The following ATL1 variants were observed in gnomAD, a reference collection of about 807,000 sequenced individuals.
ATL1 encodes atlastin GTPase 1, also known as atlastin-1.
In ATL1, 31 loss-of-function variants were observed where a neutral mutation model predicts 75.5. The observed-to-expected ratio is 0.41, with a 90% confidence interval of 0.31 to 0.55. The LOEUF is 0.55. Ranked by LOEUF, ATL1 falls within the 20% of genes least tolerant of loss-of-function variation. The pLI, the probability that ATL1 is intolerant of heterozygous loss-of-function variation, is 0.27. For synonymous variants in ATL1, 226 were observed against 233.3 expected (o/e 0.97, Z 0.28); for missense variants, 405 against 662.6 (o/e 0.61, Z 4.27).
chr14:50,544,692 G>C (rs145622495), intron 1 of ATL1, among the ~76,000 whole-genome samples: 1 of 152,040 alleles, frequency 6.6e-6, no homozygotes, highest in Non-Finnish European at 1.5e-5. Context: ...TCAGAGCTTT[G>C]GGAGGCTGAG....
chr14:50,628,707 T>C, intron 12 of ATL1: 2 of 626,314 alleles, frequency 3.2e-6, no homozygotes, highest in Non-Finnish European at 5.9e-6. Context: ...TTTAGTAGTA[T>C]ATATACTTTT....
At chr14:50,592,620 T>A (rs952580114) in intron 4 of ATL1, among the ~76,000 whole-genome samples, 1 of 151,732 alleles carries the variant, frequency 6.6e-6, no homozygotes, top group Non-Finnish European at 1.5e-5. Context: ...AAATAAAAAT[T>A]ATATATATTG....
chr14:50,563,932 G>T (rs1326062356), intron 1 of ATL1, among the ~76,000 whole-genome samples: 1 of 152,146 alleles, frequency 6.6e-6, no homozygotes, highest in Admixed American at 6.5e-5. Flanking sequence ...TAAATGACTT[G>T]CCAGAGGTAC....
intron 6 of ATL1, among the ~76,000 whole-genome samples, chr14:50,608,687 G>A (rs2039336842): frequency 6.6e-6 from 1 of 151,978 alleles, no homozygotes; most frequent in Non-Finnish European, 1.5e-5. Context: ...ACCAAGAAAT[G>A]AGACTAAAGC....
At chr14:50,560,004 G>C (rs1439367161), upstream of ATL1, 2 of 546,024 alleles carry the variant, frequency 3.7e-6, no homozygotes, top group Non-Finnish European at 6.6e-6. Flanking sequence ...CTGTCTTCAC[G>C]GTCTGGGGGT....
At chr14:50,631,350 C>T (rs2039579038) in intron 13 of ATL1, among the ~76,000 whole-genome samples, 1 of 151,738 alleles carries the variant, frequency 6.6e-6, no homozygotes, top group Non-Finnish European at 1.5e-5. Flanking sequence ...AATGGAATTT[C>T]CTGGGAACAG....
intron 4 of ATL1, among the ~76,000 whole-genome samples, 166 bp from the exon 5 acceptor site, chr14:50,593,680 C>G (rs2039185039): frequency 6.6e-6 from 1 of 152,170 alleles, no homozygotes; most frequent in South Asian, 2.1e-4. Flanking sequence ...TATTGTCTCT[C>G]AAGCTTATTT....
In ATL1 at chr14:50,614,969, T is replaced by A. The variant is rs151142907; in HGVS notation, c.862+458T>A. On this transcript the variant is annotated intron_variant, in intron 8 of 13. Coordinates refer to ENST00000358385, the MANE Select transcript of ATL1 (RefSeq NM_015915.5). The stretch of plus-strand genomic sequence containing the variant: ...ATTAAAAACTTCACTAAAAATGAAA[T>A]CTTGTGTGGAAGAAGAAGAGGACCA... Among the ~76,000 whole-genome samples, 358 of 152,266 alleles carry A rather than the reference T, an allele frequency of 2.4e-3. 2 individuals are homozygous for A. The highest frequency in any genetic ancestry group is 4.2e-3 in the Non-Finnish European group (287 of 68,012).
At chr14:50,558,194 G>A (rs966870047), upstream of ATL1, among the ~76,000 whole-genome samples, 30 of 152,088 alleles carry the variant, frequency 2.0e-4, no homozygotes, top group African/African-American at 6.5e-4. Flanking sequence ...GAGAAACCCC[G>A]TCTCTACATA....
intron 1 of ATL1, among the ~76,000 whole-genome samples, chr14:50,552,615 G>A (rs2038716320): frequency 6.6e-6 from 1 of 152,148 alleles, no homozygotes; most frequent in Non-Finnish European, 1.5e-5. Flanking sequence ...TTCAAATTTT[G>A]CTGTGAGGCT....
chr14:50,538,562 G>A (rs770936746), intron 1 of ATL1, among the ~76,000 whole-genome samples: 11 of 152,158 alleles, frequency 7.2e-5, no homozygotes, highest in East Asian at 1.9e-4. Flanking sequence ...GTTTCCTCAC[G>A]CAATAACAGG....
At chr14:50,589,155 C>CTTTTTTTTTTTTTTTTTTTTT (rs34191629) in intron 2 of ATL1, among the ~76,000 whole-genome samples, 2 of 109,428 alleles carry the variant, frequency 1.8e-5, no homozygotes, top group Non-Finnish European at 3.7e-5. Context: ...TTCTTTCTTT[C>CTTTTTTTTTTTTTTTTTTTTT]TTTTTTTTTT....
intron 1 of ATL1, among the ~76,000 whole-genome samples, chr14:50,537,047 G>GT (rs1183848214): frequency 2.0e-5 from 3 of 152,244 alleles, no homozygotes; most frequent in Non-Finnish European, 4.4e-5. Context: ...CCTTCAGGGC[G>GT]TGTCAGAGGT....
intron 1 of ATL1, among the ~76,000 whole-genome samples, chr14:50,544,936 CAAAAAAAAA>C (rs35420627): frequency 1.2e-4 from 7 of 58,448 alleles, no homozygotes; most frequent in Non-Finnish European, 1.9e-4. Flanking sequence ...GACCCACTCT[CAAAAAAAAA>C]AAAAAAAAAA....
chr14:50,597,854 C>A (rs2039235847), intron 6 of ATL1, among the ~76,000 whole-genome samples: 1 of 152,010 alleles, frequency 6.6e-6, no homozygotes, highest in Non-Finnish European at 1.5e-5. Context: ...GCCACCACAC[C>A]CAGCTAATTT....
chr14:50,569,043 G>GT (rs1206911516), intron 1 of ATL1, among the ~76,000 whole-genome samples: 2 of 151,908 alleles, frequency 1.3e-5, no homozygotes, highest in Non-Finnish European at 1.5e-5. Flanking sequence ...ACTAGTAACT[G>GT]TTTTTTTAAA....
intron 1 of ATL1, among the ~76,000 whole-genome samples, chr14:50,552,726 T>C (rs1266256473): frequency 1.3e-5 from 2 of 152,182 alleles, no homozygotes; most frequent in Non-Finnish European, 2.9e-5. Context: ...TACAGCTAAC[T>C]GGTCGTCGAC....
intron 1 of ATL1, among the ~76,000 whole-genome samples, chr14:50,565,744 C>A (rs185070864): frequency 6.6e-6 from 1 of 152,226 alleles, no homozygotes; most frequent in Non-Finnish European, 1.5e-5. Context: ...GTAGGCAGAA[C>A]CTGTGATCAC....
intron 1 of ATL1, among the ~76,000 whole-genome samples, chr14:50,534,201 C>G (rs567114616): frequency 6.6e-6 from 1 of 152,100 alleles, no homozygotes; most frequent in South Asian, 2.1e-4. Flanking sequence ...TTTACACTTG[C>G]GTTACTCCAG....
Sources: allele counts gnomAD v4.1 joint callset (sites outside exome capture counted in the v4.1 genomes callset), GRCh38; gene constraint gnomAD v4.1.1; transcripts MANE v1.5; gene names NCBI Gene and HGNC (gene_info 2026-07-23, HGNC 2026-07-21).